The following DNAJA2 variants were observed in gnomAD, a reference collection of about 807,000 sequenced individuals.
DNAJA2 encodes the protein DnaJ heat shock protein family (Hsp40) member A2, also known as dnaJ homolog subfamily A member 2.
Under a neutral mutation model 49.3 loss-of-function variants are expected in DNAJA2, and 6 were observed. The ratio of observed to expected loss-of-function variants is 0.12; its 90% CI spans 0.07 to 0.24. The LOEUF (loss-of-function observed/expected upper bound fraction) is 0.24. DNAJA2 is among the 10% of genes least tolerant of loss of function. DNAJA2 has a pLI of 1.00. For missense variants in DNAJA2, 347 were observed against 516.8 expected, an observed-to-expected ratio of 0.67 and a Z score of 3.19; for synonymous variants, 160 against 172.7, an observed-to-expected ratio of 0.93 and a Z score of 0.58.
rs1304087303 is a variant in DNAJA2 at position 46,967,991 on chromosome 16, T to C, written c.443+93A>G. The C allele has an allele frequency of 6.3e-6, 8 of 1,266,298 alleles. No individual in the cohort carries two copies. The East Asian group carries it at 1.7e-4, about 26-fold the overall frequency. The allele number at this position is 1,266,298 out of a possible 1,614,324, so 78.4% of individuals were successfully genotyped here. On this transcript the variant is annotated intron_variant, in intron 4 of 8. Transcript: ENST00000317089. ...AGCCACCGCACCCAGCCGTAAGTTTTAACTTATAACAATTTTTACGTGGTA... is the reference window on the plus strand; with the variant it reads ...AGCCACCGCACCCAGCCGTAAGTTTCAACTTATAACAATTTTTACGTGGTA...
In DNAJA2 at chr16:46,960,234, C is replaced by CT. The variant is rs760991798; in HGVS notation, c.775-816dup. On this transcript the variant is annotated intron_variant, in intron 6 of 8. Transcript: ENST00000317089. ...AACCATTACCTTAACCAATGATTCTCTAAGTGTGGTTCTGGACCAGCAGCT... is the reference window on the plus strand; with the variant it reads ...AACCATTACCTTAACCAATGATTCTCTTAAGTGTGGTTCTGGACCAGCAGCT... 4.1e-4 allele frequency among the ~76,000 whole-genome samples: 63 copies of CT among 152,336 alleles called. No homozygotes were observed. In the Middle Eastern group the frequency reaches 0.017, roughly 41 times the overall value.
At position 46,956,969 on chromosome 16, in the gene DNAJA2, C is replaced by A. The variant is rs375218877; in HGVS notation, c.*60G>T. On this transcript the variant is annotated 3_prime_UTR_variant, in exon 9 of 9. Coordinates refer to ENST00000317089, the MANE Select transcript of DNAJA2 (RefSeq NM_005880.4). ...TTGATAAGACACTCCAGCTGGATTG[C>A]TGAGAACAAATCAGGCAAATGTGGA... 49 of 1,590,756 alleles carry A rather than the reference C, an allele frequency of 3.1e-5. No homozygotes were observed. In the East Asian group the frequency reaches 1.0e-3, roughly 33 times the overall value.
At position 46,967,443 on chromosome 16, in the gene DNAJA2, G is replaced by A. The variant is rs528897036; in HGVS notation, c.577+70C>T. On this transcript the variant is annotated intron_variant, in intron 5 of 8. Coordinates refer to ENST00000317089, the MANE Select transcript of DNAJA2 (RefSeq NM_005880.4). ...CAAATACCCTTTGAAATAAAAAATT[G>A]TAAACCTCTCCAATATCTGCATTCC... 98 of 1,589,368 alleles carry A rather than the reference G, an allele frequency of 6.2e-5. No homozygotes were observed. The African/African-American group carries it at 1.2e-3, about 19-fold the overall frequency.
intron 3 of DNAJA2, among the ~76,000 whole-genome samples, chr16:46,968,954 G>A (rs1014559703): frequency 1.2e-4 from 18 of 152,306 alleles, no homozygotes; most frequent in Non-Finnish European, 1.9e-4. Flanking sequence ...GGCTGAGGCA[G>A]GGGAATTGCT....
intron 3 of DNAJA2, 113 bp from the exon 4 acceptor site, chr16:46,968,277 A>G (rs990476692): frequency 2.2e-5 from 14 of 647,726 alleles, no homozygotes; most frequent in Non-Finnish European, 2.9e-5. Context: ...CAGAATTCAA[A>G]AACACCTCAT....
chr16:46,969,461 C>A (rs1962016417), intron 3 of DNAJA2, among the ~76,000 whole-genome samples: 1 of 152,150 alleles, frequency 6.6e-6, no homozygotes, highest in Non-Finnish European at 1.5e-5. Flanking sequence ...TATGCACAAC[C>A]AGTATCCTAA....
intron 1 of DNAJA2, 44 bp downstream of exon 1, chr16:46,973,451 C>A: frequency 6.5e-7 from 1 of 1,549,304 alleles, no homozygotes; most frequent in Non-Finnish European, 8.7e-7. Context: ...CCTGGCCGCG[C>A]AGGCCCCGCG....
chr16:46,964,849 A>C (rs774463340), intron 5 of DNAJA2, 42 bp from the exon 6 acceptor site: 3 of 1,487,562 alleles, frequency 2.0e-6, no homozygotes, highest in Non-Finnish European at 2.8e-6. Context: ...AGAGTACTAT[A>C]CTGTACTCTT....
intron 3 of DNAJA2, among the ~76,000 whole-genome samples, chr16:46,970,925 C>A (rs2143662394): frequency 1.3e-5 from 2 of 151,606 alleles, no homozygotes; most frequent in South Asian, 4.2e-4. Context: ...GTAATCCCAG[C>A]TACTTGGGAG....
Position 46,968,154 on chromosome 16 carries a change from C to A in DNAJA2, c.373G>T (p.Glu125Ter). Residue 125 changes from glutamate (E) to a stop codon, truncating the protein, a stop_gained, in exon 4 of 9, where the codon GAA becomes TAA. Coordinates refer to ENST00000317089, the MANE Select transcript of DNAJA2 (RefSeq NM_005880.4). LOFTEE classifies it high-confidence loss of function. ...GTTGTCTTGCCATTATACAGATCTTCTAAAGATACTCTGGAAAGAAAAGAA... is the reference window on the plus strand; with the variant it reads ...GTTGTCTTGCCATTATACAGATCTTATAAAGATACTCTGGAAAGAAAAGAA... The part of the protein sequence containing the change: ...DMMHPLKVSL[E>*]DLYNGKTTKL... 6.3e-7 allele frequency: 1 copy of A among 1,597,186 alleles called. No homozygotes were observed. Among genetic ancestry groups the A allele is most frequent in the Non-Finnish European group, 8.5e-7 (1 of 1,174,012 alleles).
At chr16:46,959,181 A>AT (rs749787229) in intron 7 of DNAJA2, 51 bp from the exon 8 acceptor site, 23 of 1,571,958 alleles carry the variant, frequency 1.5e-5, no homozygotes, top group African/African-American at 1.2e-4. Context: ...GAGGTGTTCA[A>AT]TTTTTTTTAG....
chr16:46,973,295 G>C (rs1379824650), intron 1 of DNAJA2, among the ~76,000 whole-genome samples, 200 bp downstream of exon 1: 2 of 151,256 alleles, frequency 1.3e-5, no homozygotes, highest in East Asian at 3.9e-4. Context: ...GGGCGGGGCC[G>C]GCGGCCCCAA....
intron 6 of DNAJA2, 70 bp from the exon 7 acceptor site, chr16:46,959,489 C>G: frequency 1.4e-6 from 2 of 1,405,482 alleles, no homozygotes; most frequent in Non-Finnish European, 9.8e-7. Flanking sequence ...GCATTATGTT[C>G]CTTGACTTAA....
intron 8 of DNAJA2, chr16:46,958,772 G>A: frequency 2.4e-6 from 1 of 415,382 alleles, no homozygotes; most frequent in Non-Finnish European, 4.3e-6. Context: ...CAGTGAGACT[G>A]TGTCTCAAAA....
rs1385389855 is a variant in DNAJA2, at chr16:46,957,362, TG to T, written c.1048-143del. 3.8e-6 allele frequency: 3 copies of T among 786,712 alleles called. No homozygotes were observed. In the African/African-American group the frequency reaches 5.2e-5, roughly 14 times the overall value. The allele number at this position is 786,712 out of a possible 1,614,324, so 48.7% of individuals were successfully genotyped here. On this transcript the variant is annotated intron_variant, in intron 8 of 8. Transcript: ENST00000317089. ...ATGCTTATAATCCCACCCAGCACTT[TG>T]GAAGGCTGAGGCGGGCGGATAATGA...
At position 46,964,767 on chromosome 16, in the gene DNAJA2, T is replaced by C; in HGVS notation, c.618A>G (p.Glu206=). 6.2e-7 allele frequency: 1 copy of C among 1,613,242 alleles called. No individual in the cohort carries two copies. The highest frequency in any genetic ancestry group is 1.1e-5 in the South Asian group (1 of 90,772). ...INEKDRCKKC[E]GKKVIKEVKI... Reference sequence around the variant, plus strand: ...TGACTTCTTTAATCACCTTCTTCCCTTCACATTTTTTACAGCGGTCTTTTT... The same window carrying C: ...TGACTTCTTTAATCACCTTCTTCCCCTCACATTTTTTACAGCGGTCTTTTT... Residue 206 remains glutamate (E), a synonymous_variant, in exon 6 of 9, where the codon GAA becomes GAG. Coordinates refer to ENST00000317089, the MANE Select transcript of DNAJA2 (RefSeq NM_005880.4).
intron 1 of DNAJA2, 193 bp from the exon 2 acceptor site, chr16:46,972,148 C>A (rs1200286271): frequency 1.8e-6 from 1 of 554,504 alleles, no homozygotes; most frequent in Admixed American, 3.3e-5. Flanking sequence ...AAGTAGACAG[C>A]AGCTATACTT....
intron 4 of DNAJA2, 146 bp from the exon 5 acceptor site, chr16:46,967,792 T>G: frequency 4.1e-6 from 5 of 1,218,418 alleles, no homozygotes; most frequent in Non-Finnish European, 5.7e-6. Context: ...GAAAACATTC[T>G]GCTAAGATTT....
intron 5 of DNAJA2, among the ~76,000 whole-genome samples, chr16:46,966,221 CCTAT>C (rs1475933462): frequency 1.3e-5 from 2 of 151,788 alleles, no homozygotes; most frequent in Admixed American, 6.6e-5. Flanking sequence ...ACAGCAAGAC[CCTAT>C]CTCCAAAAAT....
Sources: allele counts gnomAD v4.1 joint callset (sites outside exome capture counted in the v4.1 genomes callset), GRCh38; gene constraint gnomAD v4.1.1; transcripts MANE v1.5; gene names NCBI Gene and HGNC (gene_info 2026-07-23, HGNC 2026-07-21).